The following FAM227B variants were observed in gnomAD, a reference collection of about 807,000 sequenced individuals.
FAM227B encodes the protein protein FAM227B.
In FAM227B, 88 loss-of-function variants were observed where a neutral mutation model predicts 73.8. That is an observed-to-expected ratio of 1.19 (90% CI 1.00 to 1.42). The LOEUF (loss-of-function observed/expected upper bound fraction) is 1.42, where lower values mean the gene tolerates loss of function less well. FAM227B is among the 40% of genes most tolerant of loss of function. FAM227B has a pLI of 0.00. For missense variants in FAM227B, 632 were observed against 590.9 expected, an observed-to-expected ratio of 1.07 and a Z score of -0.72; for synonymous variants, 210 against 190.5, an observed-to-expected ratio of 1.10 and a Z score of -0.84.
intron 11 of FAM227B, among the ~76,000 whole-genome samples, chr15:49,477,060 G>GAAAAA (rs745520773): frequency 2.3e-5 from 3 of 130,584 alleles, no homozygotes; most frequent in Admixed American, 7.7e-5. Flanking sequence ...ACTCTGTCTC[G>GAAAAA]AAAAAAAAAA....
chr15:49,614,449 C>T (rs1248438606), intron 2 of FAM227B, among the ~76,000 whole-genome samples: 1 of 152,158 alleles, frequency 6.6e-6, no homozygotes, highest in Non-Finnish European at 1.5e-5. Flanking sequence ...ATAATAACAT[C>T]AGAGCATTAA....
chr15:49,531,673 T>C (rs931540184), intron 10 of FAM227B, among the ~76,000 whole-genome samples: 8 of 152,030 alleles, frequency 5.3e-5, no homozygotes, highest in African/African-American at 1.7e-4. Flanking sequence ...ACTCCCATCA[T>C]CTTCCCTGTC....
chr15:49,422,184 G>A lies in FAM227B; in HGVS notation c.1013-50785C>T, dbSNP rs538759507. On this transcript the variant is annotated intron_variant, in intron 11 of 15. Transcript: ENST00000299338. ...TGTGTGCGCGCGCGCGCGCGTGCACGCGTGTGTGTTTTGAGGAGTATATAA... is the reference window on the plus strand; with the variant it reads ...TGTGTGCGCGCGCGCGCGCGTGCACACGTGTGTGTTTTGAGGAGTATATAA... 3.0e-4 allele frequency among the ~76,000 whole-genome samples: 45 copies of A among 149,266 alleles called. 1 individual carries two copies. Among genetic ancestry groups the A allele is most frequent in the Non-Finnish European group, 6.3e-4 (42 of 67,084 alleles).
At chr15:49,476,212 G>GTTTT (rs1567351529) in intron 11 of FAM227B, among the ~76,000 whole-genome samples, 2 of 81,256 alleles carry the variant, frequency 2.5e-5, no homozygotes, top group Admixed American at 1.3e-4. Context: ...TTATTTTGCT[G>GTTTT]TTTTGTTTTT....
chr15:49,543,532 GT>G (rs2071382649), intron 9 of FAM227B, among the ~76,000 whole-genome samples: 1 of 152,024 alleles, frequency 6.6e-6, no homozygotes, highest in Non-Finnish European at 1.5e-5. Context: ...GTTTGTTTTT[GT>G]TTTTGTTGAA....
At chr15:49,375,958 T>C (rs1317698738) in intron 11 of FAM227B, among the ~76,000 whole-genome samples, 2 of 152,072 alleles carry the variant, frequency 1.3e-5, no homozygotes, top group Non-Finnish European at 2.9e-5. Flanking sequence ...ATCTTTGTAT[T>C]AGTGATTGTT....
intron 15 of FAM227B, chr15:49,331,410 AG>A (rs1222560573): frequency 1.1e-5 from 2 of 176,946 alleles, no homozygotes; most frequent in East Asian, 3.0e-4. Flanking sequence ...TTGATAATTG[AG>A]GGCAGGGACC....
In FAM227B at chr15:49,359,841, A is replaced by C. The variant is rs1197814025; in HGVS notation, c.1271+7607T>G. Among the ~76,000 whole-genome samples, 14 of 139,076 alleles carry C rather than the reference A, an allele frequency of 1.0e-4. No homozygotes were observed. The East Asian group carries it at 3.0e-3, about 30-fold the overall frequency. The allele number at this position is 139,076 out of a possible 152,430, so 91.2% of individuals were successfully genotyped here. Reference sequence around the variant, plus strand: ...ATAGCAAAGACTTGGAACCAACCCAAATGTCCAAAAATGATAGACTGGATT... The same window carrying C: ...ATAGCAAAGACTTGGAACCAACCCACATGTCCAAAAATGATAGACTGGATT... On this transcript the variant is annotated intron_variant, in intron 13 of 15. Coordinates refer to ENST00000299338, the MANE Select transcript of FAM227B (RefSeq NM_152647.3).
At chr15:49,513,697 C>G (rs1478947432) in intron 10 of FAM227B, among the ~76,000 whole-genome samples, 2 of 152,078 alleles carry the variant, frequency 1.3e-5, no homozygotes. Flanking sequence ...ATGGTATTAC[C>G]TAGGTTTTCT....
intron 9 of FAM227B, among the ~76,000 whole-genome samples, chr15:49,558,614 G>A (rs1419740545): frequency 1.3e-5 from 2 of 151,904 alleles, no homozygotes; most frequent in Non-Finnish European, 2.9e-5. Context: ...CCTGCCCCTG[G>A]TTTCCACCAT....
chr15:49,620,209 C>T (rs748535022), intron 1 of FAM227B: 6 of 152,118 alleles, frequency 3.9e-5, no homozygotes, highest in African/African-American at 7.2e-5. Context: ...TATTAAATTC[C>T]ATTTTTTATC....
Position 49,583,367 on chromosome 15 carries a change from C to T in FAM227B, c.405+4649G>A, listed in dbSNP as rs187218235. Among the ~76,000 whole-genome samples the T allele has an allele frequency of 2.6e-3, 396 of 151,884 alleles. 5 individuals are homozygous for T. Among genetic ancestry groups the T allele is most frequent in the East Asian group, 0.013 (67 of 5,166 alleles). On this transcript the variant is annotated intron_variant, in intron 5 of 15. Coordinates refer to ENST00000299338, the MANE Select transcript of FAM227B (RefSeq NM_152647.3). The stretch of plus-strand genomic sequence containing the variant: ...ATAAAACAGGTTGCAGTAAAGGAGG[C>T]GGCCAAAACCCACCAAAACCAAAAT...
At chr15:49,417,400 C>A (rs894469747) in intron 11 of FAM227B, among the ~76,000 whole-genome samples, 1 of 151,982 alleles carries the variant, frequency 6.6e-6, no homozygotes, top group Non-Finnish European at 1.5e-5. Flanking sequence ...AAGCTGGAGG[C>A]ATCATGCTAC....
At chr15:49,505,846 G>C (rs578140804) in intron 11 of FAM227B, among the ~76,000 whole-genome samples, 1 of 152,024 alleles carries the variant, frequency 6.6e-6, no homozygotes, top group South Asian at 2.1e-4. Context: ...AAAGTGAAGA[G>C]ATTGTCATCC....
chr15:49,351,952 T>C (rs2042317864), intron 13 of FAM227B, among the ~76,000 whole-genome samples: 3 of 152,212 alleles, frequency 2.0e-5, no homozygotes, highest in South Asian at 4.1e-4. Context: ...TTTATATTAT[T>C]ACCTCTGTAG....
intron 11 of FAM227B, among the ~76,000 whole-genome samples, chr15:49,388,630 C>T (rs375438598): frequency 1.3e-5 from 2 of 151,602 alleles, no homozygotes; most frequent in Non-Finnish European, 3.0e-5. Context: ...CAAAAATAAA[C>T]AAATGAGACC....
chr15:49,330,075 G>T (rs1013975128), intron 15 of FAM227B: 1 of 152,178 alleles, frequency 6.6e-6, no homozygotes, highest in African/African-American at 2.4e-5. Context: ...ATAGGGCCGG[G>T]GCCATTAGAA....
intron 13 of FAM227B, among the ~76,000 whole-genome samples, chr15:49,337,085 G>C (rs1040439121): frequency 2.6e-5 from 4 of 152,166 alleles, no homozygotes; most frequent in Non-Finnish European, 5.9e-5. Context: ...TCTTTATCCA[G>C]TCTGCTGTTG....
chr15:49,535,835 CA>C (rs1326805722), intron 10 of FAM227B, among the ~76,000 whole-genome samples: 2 of 151,198 alleles, frequency 1.3e-5, no homozygotes, highest in East Asian at 3.9e-4. Context: ...TTAATTGATG[CA>C]AAAAAAGCAT....
Sources: gnomAD v4.1 joint callset for allele counts (sites outside exome capture counted in the v4.1 genomes callset) on GRCh38, gnomAD v4.1.1 for gene constraint, MANE v1.5 for transcripts, NCBI Gene and HGNC (gene_info 2026-07-23, HGNC 2026-07-21) for gene names.